The following ST18 variants were observed in gnomAD, a reference collection of about 807,000 sequenced individuals.
ST18 encodes ST18 C2H2C-type zinc finger transcription factor.
ST18 carries 50 observed loss-of-function variants against 110.0 expected under a neutral mutation model. The observed-to-expected ratio is 0.45, with a 90% CI of 0.36 to 0.58. The LOEUF (loss-of-function observed/expected upper bound fraction) is 0.58, where lower values mean the gene tolerates loss of function less well. Ranked by LOEUF, ST18 falls within the 20% of genes least tolerant of loss-of-function variation. The pLI is 0.00. For synonymous variants in ST18, 461 were observed against 452.4 expected, an observed-to-expected ratio of 1.02 and a Z score of -0.24; for missense variants, 1,306 against 1,280.1, an observed-to-expected ratio of 1.02 and a Z score of -0.31.
intron 15 of ST18, among the ~76,000 whole-genome samples, chr8:52,156,673 T>C (rs777482848): frequency 6.6e-6 from 1 of 152,162 alleles, no homozygotes; most frequent in Non-Finnish European, 1.5e-5. Flanking sequence ...CTCTTCAACA[T>C]TAAGAAAATA....
At chr8:52,143,089 G>A (rs777998954) in intron 16 of ST18, 44 bp from the exon 17 acceptor site, 2 of 1,256,628 alleles carry the variant, frequency 1.6e-6, no homozygotes, top group Non-Finnish European at 2.3e-6. Flanking sequence ...AAGCCATTAG[G>A]GAACCCTGGA....
At chr8:52,347,248 A>G (rs996121910) in intron 2 of ST18, among the ~76,000 whole-genome samples, 1 of 152,260 alleles carries the variant, frequency 6.6e-6, no homozygotes, top group African/African-American at 2.4e-5. Flanking sequence ...GACATAAAAT[A>G]TAAATAGCTT....
intron 2 of ST18, chr8:52,409,045 C>T (rs1356823904): frequency 6.6e-6 from 1 of 152,208 alleles, no homozygotes; most frequent in Non-Finnish European, 1.5e-5. Flanking sequence ...TTGACTTTTT[C>T]GCAGAACTGT....
At chr8:52,392,651 G>A (rs966201448) in intron 2 of ST18, among the ~76,000 whole-genome samples, 5 of 152,176 alleles carry the variant, frequency 3.3e-5, no homozygotes, top group Admixed American at 3.3e-4. Flanking sequence ...ACAGTTTTAC[G>A]GAAAGTACAC....
intron 2 of ST18, among the ~76,000 whole-genome samples, chr8:52,281,379 G>T (rs996239596): frequency 6.6e-6 from 1 of 152,096 alleles, no homozygotes; most frequent in Non-Finnish European, 1.5e-5. Flanking sequence ...GATCAACAAA[G>T]TCAAGCATTG....
At chr8:52,266,336 A>C (rs2094867420) in intron 2 of ST18, among the ~76,000 whole-genome samples, 1 of 152,096 alleles carries the variant, frequency 6.6e-6, no homozygotes, top group Non-Finnish European at 1.5e-5. Context: ...ACCAGGGAAA[A>C]GCTTCTTTAA....
intron 2 of ST18, among the ~76,000 whole-genome samples, chr8:52,348,079 GA>G (rs1564546245): frequency 6.6e-6 from 1 of 152,098 alleles, no homozygotes; most frequent in African/African-American, 2.4e-5. Context: ...AGTGGCTCAC[GA>G]ACTGGTTTTC....
chr8:52,168,528 G>A (rs1257622951), intron 10 of ST18, among the ~76,000 whole-genome samples: 4 of 152,010 alleles, frequency 2.6e-5, no homozygotes, highest in South Asian at 2.1e-4. Flanking sequence ...AATTATATGG[G>A]GGCATGGATT....
At chr8:52,148,715 G>A (rs1170932400) in intron 16 of ST18, among the ~76,000 whole-genome samples, 1 of 150,684 alleles carries the variant, frequency 6.6e-6, no homozygotes, top group Non-Finnish European at 1.5e-5. Context: ...GGGAGGGGAG[G>A]GGAGGGGAGC....
intron 2 of ST18, among the ~76,000 whole-genome samples, chr8:52,293,398 G>T (rs902527326): frequency 2.6e-5 from 4 of 152,216 alleles, no homozygotes; most frequent in Non-Finnish European, 4.4e-5. Context: ...GTGCCACTGT[G>T]ACAGGTAACT....
chr8:52,113,519 C>G (rs756231857), intron 25 of ST18, among the ~76,000 whole-genome samples, 181 bp from the exon 26 acceptor site: 2 of 152,112 alleles, frequency 1.3e-5, no homozygotes, highest in Non-Finnish European at 2.9e-5. Context: ...TCTGTTCACT[C>G]TTAATTCAGG....
At chr8:52,391,398 C>T (rs1839279580) in intron 2 of ST18, among the ~76,000 whole-genome samples, 1 of 152,154 alleles carries the variant, frequency 6.6e-6, no homozygotes. Context: ...GCAGACACTA[C>T]AAGTGGGCTG....
At chr8:52,297,067 C>T (rs1186292790) in intron 2 of ST18, among the ~76,000 whole-genome samples, 1 of 152,090 alleles carries the variant, frequency 6.6e-6, no homozygotes, top group African/African-American at 2.4e-5. Flanking sequence ...ACTGATAGCC[C>T]GTGAACAGAC....
intron 8 of ST18, among the ~76,000 whole-genome samples, chr8:52,204,517 C>T (rs747615871): frequency 5.9e-5 from 9 of 152,202 alleles, no homozygotes; most frequent in Non-Finnish European, 1.2e-4. Context: ...CCAAGCTGGA[C>T]GTGATCTATT....
At chr8:52,312,051 C>A (rs955635145) in intron 2 of ST18, among the ~76,000 whole-genome samples, 1 of 152,130 alleles carries the variant, frequency 6.6e-6, no homozygotes, top group South Asian at 2.1e-4. Context: ...CTCATAAGAC[C>A]TCACGAGATA....
intron 22 of ST18, among the ~76,000 whole-genome samples, chr8:52,130,048 A>AAAAG (rs1205783748): frequency 4.7e-5 from 7 of 150,140 alleles, no homozygotes; most frequent in East Asian, 3.9e-4. Flanking sequence ...TCTGTTTCAA[A>AAAAG]AAAGAAAGAA....
chr8:52,320,305 C>G (rs574064867), intron 2 of ST18, among the ~76,000 whole-genome samples: 6 of 151,898 alleles, frequency 4.0e-5, no homozygotes, highest in Non-Finnish European at 8.8e-5. Flanking sequence ...TTCTAGGTAG[C>G]CTCTGTGGAG....
At chr8:52,115,169 T>C (rs2042102769) in intron 25 of ST18, among the ~76,000 whole-genome samples, 1 of 152,174 alleles carries the variant, frequency 6.6e-6, no homozygotes, top group African/African-American at 2.4e-5. Flanking sequence ...TTGGGTAAAA[T>C]GGAGGGGCTT....
chr8:52,274,506 T>C (rs1207816003), intron 2 of ST18, among the ~76,000 whole-genome samples: 1 of 141,308 alleles, frequency 7.1e-6, no homozygotes, highest in Non-Finnish European at 1.5e-5. Flanking sequence ...AAGAGTTGTA[T>C]GATGTTTCAG....
Sources: gnomAD v4.1 joint callset for allele counts (sites outside exome capture counted in the v4.1 genomes callset) on GRCh38, gnomAD v4.1.1 for gene constraint, MANE v1.5 for transcripts, NCBI Gene and HGNC (gene_info 2026-07-23, HGNC 2026-07-21) for gene names.